The following SMAP1 variants were observed in gnomAD, a reference collection of about 807,000 sequenced individuals.
SMAP1 encodes small ArfGAP 1.
Under a neutral mutation model 58.5 loss-of-function variants are expected in SMAP1, and 24 were observed. The ratio of observed to expected loss-of-function variants is 0.41; its 90% confidence interval spans 0.30 to 0.58. The LOEUF (loss-of-function observed/expected upper bound fraction) is 0.58, where lower values mean the gene tolerates loss of function less well. Ranked by LOEUF, SMAP1 falls within the 20% of genes least tolerant of loss-of-function variation. SMAP1 has a pLI of 0.29. For synonymous variants in SMAP1, 216 were observed against 196.6 expected (o/e 1.10, Z -0.82); for missense variants, 563 against 566.3 (o/e 0.99, Z 0.06).
intron 3 of SMAP1, among the ~76,000 whole-genome samples, chr6:70,760,174 C>G (rs1215683494): frequency 6.6e-6 from 1 of 152,074 alleles, no homozygotes; most frequent in Non-Finnish European, 1.5e-5. Context: ...CTCTTGGCAG[C>G]TAGATTGTAA....
intron 2 of SMAP1, among the ~76,000 whole-genome samples, chr6:70,736,878 C>G (rs17763077): frequency 0.14 from 20,733 of 152,216 alleles, 1,624 homozygotes; most frequent in South Asian, 0.2. Context: ...AGTAATTTTC[C>G]TAGAACATTG....
intron 6 of SMAP1, among the ~76,000 whole-genome samples, chr6:70,805,931 G>C (rs1015224144): frequency 6.6e-6 from 1 of 152,210 alleles, no homozygotes; most frequent in Non-Finnish European, 1.5e-5. Context: ...CCCCTACTGG[G>C]AGGTATCTCC....
At chr6:70,796,359 G>A (rs913440035) in intron 5 of SMAP1, among the ~76,000 whole-genome samples, 2 of 152,138 alleles carry the variant, frequency 1.3e-5, no homozygotes, top group Admixed American at 1.3e-4. Flanking sequence ...CCTCAGTCCT[G>A]CTACTAGCTT....
chr6:70,682,518 T>A (rs1406921826), intron 1 of SMAP1, among the ~76,000 whole-genome samples: 1 of 152,156 alleles, frequency 6.6e-6, no homozygotes, highest in African/African-American at 2.4e-5. Context: ...TAATAGTAAA[T>A]GTTTTAAAAT....
At chr6:70,781,355 G>A (rs1767756833) in intron 4 of SMAP1, among the ~76,000 whole-genome samples, 1 of 152,024 alleles carries the variant, frequency 6.6e-6, no homozygotes, top group African/African-American at 2.4e-5. Context: ...GTTGTGTTTT[G>A]TATGGGTTAT....
intron 2 of SMAP1, among the ~76,000 whole-genome samples, chr6:70,736,256 A>G (rs1382366756): frequency 2.6e-5 from 4 of 152,190 alleles, no homozygotes; most frequent in African/African-American, 9.7e-5. Context: ...CACTGTAAAA[A>G]AGTCTTAAAA....
intron 4 of SMAP1, among the ~76,000 whole-genome samples, chr6:70,787,607 AAAAC>A (rs1183688581): frequency 2.4e-4 from 36 of 152,358 alleles, no homozygotes; most frequent in Admixed American, 9.1e-4. Flanking sequence ...TTACAGGAAA[AAAAC>A]AAACAACCCC....
intron 1 of SMAP1, among the ~76,000 whole-genome samples, chr6:70,699,246 A>G (rs1242076708): frequency 6.6e-6 from 1 of 152,134 alleles, no homozygotes; most frequent in Non-Finnish European, 1.5e-5. Context: ...ACTTTCCTGC[A>G]AACAAATGGA....
intron 6 of SMAP1, among the ~76,000 whole-genome samples, chr6:70,801,872 A>G (rs542977184): frequency 4.6e-5 from 7 of 152,220 alleles, no homozygotes; most frequent in Admixed American, 2.0e-4. Flanking sequence ...CCATTGGTCT[A>G]TCTCTCTGTT....
At chr6:70,703,432 T>G (rs1767717168) in intron 1 of SMAP1, among the ~76,000 whole-genome samples, 1 of 152,194 alleles carries the variant, frequency 6.6e-6, no homozygotes, top group Non-Finnish European at 1.5e-5. Context: ...TATTTTTGTA[T>G]TTTTATAAAT....
intron 4 of SMAP1, among the ~76,000 whole-genome samples, chr6:70,786,839 C>T (rs1478357583): frequency 2.6e-5 from 4 of 152,146 alleles, no homozygotes; most frequent in South Asian, 2.1e-4. Context: ...TGCTCATGGA[C>T]AGGAAGAATC....
intron 1 of SMAP1, chr6:70,694,179 C>G (rs574797997): frequency 1.1e-4 from 36 of 335,112 alleles, no homozygotes; most frequent in Non-Finnish European, 1.9e-4. Flanking sequence ...AGTCAGAAAT[C>G]GAGGCTATAA....
At chr6:70,734,051 A>G (rs556769017) in intron 2 of SMAP1, among the ~76,000 whole-genome samples, 61 of 152,196 alleles carry the variant, frequency 4.0e-4, no homozygotes, top group African/African-American at 1.4e-3. Context: ...TTATTAAATA[A>G]TAATATTTGA....
In SMAP1 at chr6:70,860,208, G is replaced by A. The variant is rs750224346; in HGVS notation, c.1278G>A (p.Gln426=). The stretch of plus-strand genomic sequence containing the variant: ...TTTTATATGTTTCACAGATGAATCA[G>A]CAGATGGCTGGCATGAGTATCAGTA... The part of the protein sequence containing the change: ...QPQWSLSQMN[Q]QMAGMSISSA... The change falls in exon 11 of 11, where the codon CAG becomes CAA. Residue 426 remains glutamine, a synonymous_variant. Transcript: ENST00000370455. 25 of 1,608,030 alleles carry A rather than the reference G, an allele frequency of 1.6e-5. No individual in the cohort carries two copies. Among genetic ancestry groups the A allele is most frequent in the Non-Finnish European group, 1.7e-5 (20 of 1,178,010 alleles).
At chr6:70,733,363 T>G (rs748940174) in intron 2 of SMAP1, among the ~76,000 whole-genome samples, 1 of 152,196 alleles carries the variant, frequency 6.6e-6, no homozygotes, top group Non-Finnish European at 1.5e-5. Flanking sequence ...TTAAATTAGT[T>G]TTTGAGCTTT....
intron 1 of SMAP1, among the ~76,000 whole-genome samples, chr6:70,716,052 GA>G (rs1768255352): frequency 6.6e-6 from 1 of 152,172 alleles, no homozygotes; most frequent in African/African-American, 2.4e-5. Context: ...AGGTTGCTGA[GA>G]ATGCCATTAA....
At chr6:70,814,898 G>A (rs1769552609) in intron 6 of SMAP1, among the ~76,000 whole-genome samples, 1 of 152,098 alleles carries the variant, frequency 6.6e-6, no homozygotes. Context: ...GTTAGCTTCT[G>A]TACATTGCTA....
At chr6:70,668,461 G>A in intron 1 of SMAP1, 2 of 1,405,526 alleles carry the variant, frequency 1.4e-6, no homozygotes, top group Non-Finnish European at 1.9e-6. Flanking sequence ...GGCTGGGAGC[G>A]CGGAACCGGG....
chr6:70,809,217 A>G (rs746627218), intron 6 of SMAP1, among the ~76,000 whole-genome samples: 13 of 152,328 alleles, frequency 8.5e-5, no homozygotes, highest in Non-Finnish European at 1.5e-4. Flanking sequence ...ATACATACTT[A>G]CCAGCATCAA....
Sources: allele counts gnomAD v4.1 joint callset (sites outside exome capture counted in the v4.1 genomes callset), GRCh38; gene constraint gnomAD v4.1.1; transcripts MANE v1.5; gene names NCBI Gene and HGNC (gene_info 2026-07-23, HGNC 2026-07-21).